STXBP5L: variants seen among roughly 807,000 people sequenced by gnomAD.
STXBP5L encodes the protein syntaxin binding protein 5L, also known as syntaxin-binding protein 5-like.
Under a neutral mutation model 144.5 loss-of-function variants are expected in STXBP5L, and 65 were observed. The ratio of observed to expected loss-of-function variants is 0.45; its 90% CI spans 0.37 to 0.55. STXBP5L has a LOEUF of 0.55. STXBP5L is among the 20% of genes least tolerant of loss of function. The pLI is 0.00. For missense variants in STXBP5L, 1,298 were observed against 1,405.5 expected (o/e 0.92, Z 1.22); for synonymous variants, 505 against 469.6 (o/e 1.08, Z -0.97).
At chr3:121,170,385 C>CA (rs998144312) in intron 9 of STXBP5L, among the ~76,000 whole-genome samples, 5 of 151,724 alleles carry the variant, frequency 3.3e-5, no homozygotes, top group East Asian at 1.9e-4. Context: ...AAAAACCCAT[C>CA]AAAAAAATCA....
intron 5 of STXBP5L, among the ~76,000 whole-genome samples, chr3:121,056,169 C>G (rs1169117098): frequency 6.6e-6 from 1 of 152,008 alleles, no homozygotes; most frequent in East Asian, 1.9e-4. Context: ...CGATTTTAAA[C>G]CTAAATAGGG....
chr3:121,317,321 T>C (rs2043818911), intron 19 of STXBP5L, among the ~76,000 whole-genome samples: 1 of 152,178 alleles, frequency 6.6e-6, no homozygotes, highest in South Asian at 2.1e-4. Context: ...TGTGTCCTTT[T>C]CAAGCTATGT....
chr3:121,066,343 C>G (rs1481712144), intron 5 of STXBP5L, among the ~76,000 whole-genome samples: 2 of 146,496 alleles, frequency 1.4e-5, no homozygotes, highest in African/African-American at 5.1e-5. Flanking sequence ...GTTTATTTTG[C>G]TCTTATTTTC....
chr3:121,244,825 A>G (rs891556149), intron 14 of STXBP5L, among the ~76,000 whole-genome samples: 3 of 152,090 alleles, frequency 2.0e-5, no homozygotes, highest in African/African-American at 7.2e-5. Flanking sequence ...TTAGAATGCT[A>G]TATTTGTCAT....
intron 2 of STXBP5L, among the ~76,000 whole-genome samples, chr3:120,945,893 G>A (rs1241549779): frequency 1.3e-5 from 2 of 151,798 alleles, no homozygotes; most frequent in African/African-American, 4.8e-5. Context: ...TCTCAGACAT[G>A]CAAGCATGAA....
At chr3:120,933,128 A>C (rs910164739) in intron 2 of STXBP5L, among the ~76,000 whole-genome samples, 2 of 151,978 alleles carry the variant, frequency 1.3e-5, no homozygotes, top group African/African-American at 4.8e-5. Context: ...GCACACCAAC[A>C]TGGCACATGT....
rs999536831 is a variant in STXBP5L, at chr3:121,044,354, A to G, written c.370-1081A>G. On this transcript the variant is annotated intron_variant, in intron 4 of 26. Coordinates refer to ENST00000471454, the MANE Select transcript of STXBP5L (RefSeq NM_001308330.2). ...ATTTTTTTGGCTTAGAAATTATTAT[A>G]GAAGGGCATTTAGATTCCTATCTTC... Among the ~76,000 whole-genome samples, 3 of 152,190 alleles carry G rather than the reference A, an allele frequency of 2.0e-5. No individual in the cohort carries two copies. The South Asian group carries it at 6.2e-4, about 31-fold the overall frequency.
At chr3:121,328,238 G>A (rs2044211940) in intron 20 of STXBP5L, among the ~76,000 whole-genome samples, 1 of 152,092 alleles carries the variant, frequency 6.6e-6, no homozygotes, top group South Asian at 2.1e-4. Flanking sequence ...GAAAATAATA[G>A]CTAACATTGA....
At chr3:121,224,974 A>G (rs536685602) in intron 11 of STXBP5L, among the ~76,000 whole-genome samples, 1 of 152,274 alleles carries the variant, frequency 6.6e-6, no homozygotes, top group East Asian at 1.9e-4. Context: ...GACAATTTCT[A>G]ATAAGGTTCA....
intron 3 of STXBP5L, among the ~76,000 whole-genome samples, chr3:120,999,456 A>G (rs532589757): frequency 2.6e-5 from 4 of 152,134 alleles, no homozygotes; most frequent in East Asian, 1.9e-4. Flanking sequence ...ATTTGATCCT[A>G]TGTGTGTCAT....
At chr3:121,175,097 A>G (rs1320183380) in intron 9 of STXBP5L, among the ~76,000 whole-genome samples, 1 of 152,160 alleles carries the variant, frequency 6.6e-6, no homozygotes, top group South Asian at 2.1e-4. Context: ...TCTACTGTCC[A>G]CACACCAGTT....
intron 3 of STXBP5L, among the ~76,000 whole-genome samples, chr3:121,012,385 C>G (rs1023181514): frequency 2.6e-5 from 4 of 151,772 alleles, no homozygotes; most frequent in Non-Finnish European, 5.9e-5. Flanking sequence ...TGAGGAGCTG[C>G]TATTATTGAA....
chr3:121,003,277 G>T (rs1191245665), intron 3 of STXBP5L, among the ~76,000 whole-genome samples: 1 of 151,728 alleles, frequency 6.6e-6, no homozygotes, highest in Non-Finnish European at 1.5e-5. Context: ...ATCTCATTGT[G>T]GTTTTGATTT....
chr3:121,208,772 A>G (rs1267492998), intron 10 of STXBP5L, among the ~76,000 whole-genome samples: 1 of 151,982 alleles, frequency 6.6e-6, no homozygotes, highest in Admixed American at 6.6e-5. Flanking sequence ...TTCACATTAT[A>G]TATAGTTTAT....
intron 9 of STXBP5L, among the ~76,000 whole-genome samples, chr3:121,184,144 G>A (rs1428896762): frequency 6.6e-6 from 1 of 151,934 alleles, no homozygotes; most frequent in Non-Finnish European, 1.5e-5. Context: ...CAATAAACCA[G>A]AATGCCTCTT....
intron 3 of STXBP5L, among the ~76,000 whole-genome samples, chr3:120,980,630 A>G (rs1443127857): frequency 1.3e-5 from 2 of 152,076 alleles, no homozygotes; most frequent in Non-Finnish European, 2.9e-5. Flanking sequence ...AGAAGCTATC[A>G]TTGGATCTTC....
chr3:121,393,793 A>G (rs1001449513), intron 22 of STXBP5L, among the ~76,000 whole-genome samples: 4 of 151,930 alleles, frequency 2.6e-5, no homozygotes, highest in African/African-American at 9.7e-5. Flanking sequence ...TTATCTATCT[A>G]TGTTTATACG....
In STXBP5L at chr3:120,961,756, T is replaced by C. The variant is rs542495467; in HGVS notation, c.287+6719T>C. On this transcript the variant is annotated intron_variant, in intron 3 of 26. Transcript: ENST00000471454. ...CATACGTGTGCATGTGTCTTTATAG[T>C]AGTATGATTGATAATCCTTTGGGTC... 3.2e-3 allele frequency among the ~76,000 whole-genome samples: 486 copies of C among 152,124 alleles called. 2 individuals carry two copies. Among genetic ancestry groups the C allele is most frequent in the African/African-American group, 0.011 (457 of 41,528 alleles).
chr3:121,231,851 C>T (rs1024345051), intron 11 of STXBP5L, among the ~76,000 whole-genome samples: 1 of 152,134 alleles, frequency 6.6e-6, no homozygotes, highest in African/African-American at 2.4e-5. Flanking sequence ...TATTACTGCT[C>T]ATATCAGAAT....
Sources: gnomAD v4.1 joint callset for allele counts (sites outside exome capture counted in the v4.1 genomes callset) on GRCh38, gnomAD v4.1.1 for gene constraint, MANE v1.5 for transcripts, NCBI Gene and HGNC (gene_info 2026-07-23, HGNC 2026-07-21) for gene names.